The following CAMKK2 variants were observed in gnomAD, a reference collection of about 807,000 sequenced individuals.
CAMKK2 encodes calcium/calmodulin dependent protein kinase kinase 2, also known as calcium/calmodulin-dependent protein kinase kinase 2.
A neutral mutation model predicts 67.2 loss-of-function variants in CAMKK2; 30 were observed. The ratio of observed to expected loss-of-function variants is 0.45; its 90% confidence interval spans 0.33 to 0.61. CAMKK2 has a LOEUF of 0.61. Ranked by LOEUF, CAMKK2 falls within the 20% of genes least tolerant of loss-of-function variation. The probability of loss-of-function intolerance (pLI) is 0.02; values close to 1 mark genes in which losing one functional copy is unlikely to be tolerated. For missense variants in CAMKK2, 643 were observed against 802.0 expected (o/e 0.80, Z 2.39); for synonymous variants, 322 against 326.2 (o/e 0.99, Z 0.14).
chr12:121,289,344 C>T (rs973827095), intron 1 of CAMKK2, among the ~76,000 whole-genome samples: 1 of 152,104 alleles, frequency 6.6e-6, no homozygotes, highest in Non-Finnish European at 1.5e-5. Flanking sequence ...GGATCACTAA[C>T]GTCCCCAACG....
At chr12:121,268,566 T>C in intron 5 of CAMKK2, 72 bp downstream of exon 5, 1 of 1,378,446 alleles carries the variant, frequency 7.3e-7, no homozygotes, top group Non-Finnish European at 1.0e-6. Flanking sequence ...AGTGCAATGG[T>C]TCCCATTCAG....
chr12:121,296,926 G>C (rs1257703370), upstream of CAMKK2, among the ~76,000 whole-genome samples: 1 of 151,654 alleles, frequency 6.6e-6, no homozygotes. This position sits in a 1 kb window ranked among gnomAD's most constrained non-coding sequence, Gnocchi z 7.1. Flanking sequence ...GAGGGGTGGG[G>C]AGGCGGGAGC....
intron 1 of CAMKK2, among the ~76,000 whole-genome samples, chr12:121,284,655 T>C (rs1898393876): frequency 6.6e-6 from 1 of 152,182 alleles, no homozygotes; most frequent in Non-Finnish European, 1.5e-5. Flanking sequence ...GGGCCAACAA[T>C]TACAGGCATA....
At chr12:121,283,413 A>C (rs1005342742) in intron 1 of CAMKK2, among the ~76,000 whole-genome samples, 7 of 152,308 alleles carry the variant, frequency 4.6e-5, no homozygotes, top group Admixed American at 3.3e-4. Context: ...CAATAGAGAT[A>C]TCTCAGGCCT....
intron 7 of CAMKK2, among the ~76,000 whole-genome samples, chr12:121,256,373 T>C (rs1027241217): frequency 4.0e-5 from 6 of 151,358 alleles, no homozygotes; most frequent in African/African-American, 1.5e-4. Context: ...AGCAAGAATG[T>C]CCCAAAAAAA....
upstream of CAMKK2, chr12:121,297,374 A>C (rs1901485773): frequency 6.2e-6 from 2 of 324,016 alleles, no homozygotes; most frequent in Admixed American, 7.8e-5. Context: ...CCGACTGACC[A>C]CTTGCTCAGG....
intron 1 of CAMKK2, among the ~76,000 whole-genome samples, chr12:121,287,471 C>T (rs1039863931): frequency 6.6e-6 from 1 of 151,986 alleles, no homozygotes; most frequent in South Asian, 2.1e-4. Context: ...CCAGCAGGCT[C>T]GCAGTTGGGC....
At chr12:121,287,837 T>C (rs1899072950) in intron 1 of CAMKK2, among the ~76,000 whole-genome samples, 1 of 152,166 alleles carries the variant, frequency 6.6e-6, no homozygotes, top group Admixed American at 6.6e-5. Context: ...CCAAGTGTGG[T>C]GCTGCACACC....
intron 1 of CAMKK2, among the ~76,000 whole-genome samples, chr12:121,289,297 C>T (rs970779184): frequency 3.3e-5 from 5 of 152,156 alleles, no homozygotes; most frequent in African/African-American, 1.2e-4. Context: ...TGACTGAAAC[C>T]GAAACACTGG....
chr12:121,289,690 C>G (rs965178198), intron 1 of CAMKK2, among the ~76,000 whole-genome samples: 15 of 151,936 alleles, frequency 9.9e-5, no homozygotes, highest in African/African-American at 9.7e-5. Context: ...GTCAGGAGTT[C>G]GAGACCAGCC....
At chr12:121,250,062 A>C (rs1890356675) in intron 11 of CAMKK2, 28 bp from the exon 12 acceptor site, 2 of 1,581,478 alleles carry the variant, frequency 1.3e-6, no homozygotes, top group Non-Finnish European at 1.7e-6. Flanking sequence ...ACAGAGTGGC[A>C]GTCAATGGCG....
intron 2 of CAMKK2, among the ~76,000 whole-genome samples, chr12:121,271,288 A>C (rs1446851869): frequency 4.0e-5 from 6 of 151,496 alleles, no homozygotes; most frequent in Admixed American, 2.0e-4. Flanking sequence ...AAAAAAAAAA[A>C]AAAGTTTGCA....
intron 1 of CAMKK2, among the ~76,000 whole-genome samples, chr12:121,284,339 T>C (rs1898329235): frequency 6.6e-6 from 1 of 152,216 alleles, no homozygotes; most frequent in Non-Finnish European, 1.5e-5. Flanking sequence ...ATTTACTTAT[T>C]TTTGAGATGG....
At chr12:121,269,891 A>C (rs1895383628) in intron 3 of CAMKK2, 1 of 232,230 alleles carries the variant, frequency 4.3e-6, no homozygotes, top group Non-Finnish European at 8.5e-6. Context: ...TCTACTAAAA[A>C]TACAAAAATT....
chr12:121,264,046 C>T, intron 5 of CAMKK2, 107 bp from the exon 6 acceptor site: 1 of 1,151,136 alleles, frequency 8.7e-7, no homozygotes, highest in Non-Finnish European at 1.2e-6. Context: ...AGCCACTCTG[C>T]AGGGCTGGAG....
intron 6 of CAMKK2, among the ~76,000 whole-genome samples, chr12:121,262,338 C>A (rs1893623111): frequency 6.6e-6 from 1 of 151,970 alleles, no homozygotes; most frequent in South Asian, 2.1e-4. Context: ...CGGTGAAACC[C>A]CATCTCCATT....
intron 7 of CAMKK2, among the ~76,000 whole-genome samples, chr12:121,256,764 T>C (rs1892373904): frequency 6.6e-6 from 1 of 152,194 alleles, no homozygotes; most frequent in Non-Finnish European, 1.5e-5. Context: ...TGAATAATAT[T>C]CCATTGTATG....
intron 1 of CAMKK2, among the ~76,000 whole-genome samples, chr12:121,277,688 C>T (rs778599152): frequency 1.1e-4 from 17 of 152,288 alleles, no homozygotes; most frequent in Non-Finnish European, 2.1e-4. Flanking sequence ...AAATTCAGGC[C>T]AGATGCAGTG....
In CAMKK2 at chr12:121,274,117, G is replaced by T; in HGVS notation, c.410C>A (p.Ser137Ter). The change falls in exon 2 of 17, where the codon TCG becomes TAG. Residue 137 changes from serine to a stop codon, truncating the protein, a stop_gained. Coordinates refer to ENST00000404169, the MANE Select transcript of CAMKK2 (RefSeq NM_001270485.2). LOFTEE classifies it high-confidence loss of function. ...PYSPVSSPQS[S>*]PRLPRRPTVE... ...TGTCGGCCGCCGGGGCAGCCGAGGC[G>T]AGGACTGCGGGGAGCTGACGGGTGA... 2 of 1,559,244 alleles carry T rather than the reference G, an allele frequency of 1.3e-6. No homozygotes were observed. Among genetic ancestry groups the T allele is most frequent in the Non-Finnish European group, 1.7e-6 (2 of 1,151,258 alleles).
Sources: gnomAD v4.1 joint callset for allele counts (sites outside exome capture counted in the v4.1 genomes callset) on GRCh38, gnomAD v4.1.1 for gene constraint, Gnocchi (gnomAD v3.1) non-coding constraint, MANE v1.5 for transcripts, NCBI Gene and HGNC (gene_info 2026-07-23, HGNC 2026-07-21) for gene names.